The following CCNY variants were observed in gnomAD, a reference collection of about 807,000 sequenced individuals.
CCNY encodes the protein cyclin-Y.
CCNY carries 19 observed loss-of-function variants against 42.8 expected under a neutral mutation model. That is an observed-to-expected ratio of 0.44 (90% CI 0.31 to 0.65). The LOEUF (loss-of-function observed/expected upper bound fraction) is 0.65. CCNY is among the 30% of genes least tolerant of loss of function. The pLI is 0.07. For synonymous variants in CCNY, 165 were observed against 162.7 expected (o/e 1.01, Z -0.11); for missense variants, 370 against 437.3 (o/e 0.85, Z 1.37).
At chr10:35,404,477 T>C (rs1477998406) in intron 1 of CCNY, among the ~76,000 whole-genome samples, 1 of 152,100 alleles carries the variant, frequency 6.6e-6, no homozygotes, top group Non-Finnish European at 1.5e-5. Flanking sequence ...TTTGTGAGTT[T>C]ATATAATGGT....
At chr10:35,361,451 G>A (rs970909035) in intron 1 of CCNY, among the ~76,000 whole-genome samples, 1 of 152,044 alleles carries the variant, frequency 6.6e-6, no homozygotes, top group African/African-American at 2.4e-5. Context: ...TTAGATTTTG[G>A]TTCTTTAGGT....
At chr10:35,372,489 C>G (rs1836959370) in intron 1 of CCNY, among the ~76,000 whole-genome samples, 1 of 152,180 alleles carries the variant, frequency 6.6e-6, no homozygotes. Context: ...TCAGCCAGCT[C>G]TGGCCTTTCT....
intron 1 of CCNY, among the ~76,000 whole-genome samples, chr10:35,343,028 G>A (rs1332605774): frequency 1.4e-4 from 21 of 148,022 alleles, no homozygotes; most frequent in Non-Finnish European, 8.9e-5. Context: ...TTTAAGACAG[G>A]GTTTTACTCT....
intron 3 of CCNY, among the ~76,000 whole-genome samples, chr10:35,330,127 C>T (rs1835925227): frequency 1.3e-5 from 2 of 152,184 alleles, no homozygotes; most frequent in Non-Finnish European, 2.9e-5. Flanking sequence ...GTGAAAGTGC[C>T]TGGCTCGAGG....
At chr10:35,488,518 C>T (rs566330300) in intron 2 of CCNY, among the ~76,000 whole-genome samples, 1 of 152,242 alleles carries the variant, frequency 6.6e-6, no homozygotes, top group South Asian at 2.1e-4. Flanking sequence ...GCCCCTTTCT[C>T]CAGCTGCCCT....
At chr10:35,273,603 G>C (rs1835200131) in intron 3 of CCNY, among the ~76,000 whole-genome samples, 1 of 152,116 alleles carries the variant, frequency 6.6e-6, no homozygotes, top group Non-Finnish European at 1.5e-5. Context: ...TCTTGGGGAG[G>C]ATAGAGTCCC....
intron 1 of CCNY, among the ~76,000 whole-genome samples, chr10:35,465,905 AAGAGAGAGAGAGAG>A (rs56166429): frequency 0.014 from 1,359 of 99,240 alleles, 49 homozygotes; most frequent in African/African-American, 0.051. Context: ...GGGTAGGGGG[AAGAGAGAGAGAGAG>A]AGAGAGAGAG....
At chr10:35,372,872 G>T (rs867639942) in intron 1 of CCNY, among the ~76,000 whole-genome samples, 5 of 152,054 alleles carry the variant, frequency 3.3e-5, no homozygotes, top group African/African-American at 1.2e-4. Flanking sequence ...GCTAATTTTT[G>T]TATTTTTTAG....
At chr10:35,284,661 T>C (rs993792010) in intron 3 of CCNY, among the ~76,000 whole-genome samples, 1 of 152,108 alleles carries the variant, frequency 6.6e-6, no homozygotes, top group Non-Finnish European at 1.5e-5. Flanking sequence ...TGGTTAGGTT[T>C]CTTTTGCTAG....
At chr10:35,501,721 A>G in intron 3 of CCNY, 186 bp downstream of exon 3, 1 of 550,902 alleles carries the variant, frequency 1.8e-6, no homozygotes, top group Non-Finnish European at 3.3e-6. Flanking sequence ...CCACTGTCCC[A>G]AATATTTTTC....
intron 3 of CCNY, among the ~76,000 whole-genome samples, chr10:35,322,950 G>A (rs1422863174): frequency 2.0e-5 from 3 of 151,958 alleles, no homozygotes; most frequent in African/African-American, 7.2e-5. Flanking sequence ...TTTTTGAGAT[G>A]GAGTCTCGCT....
intron 3 of CCNY, among the ~76,000 whole-genome samples, chr10:35,251,960 C>T (rs1048884112): frequency 6.6e-6 from 1 of 152,072 alleles, no homozygotes; most frequent in Non-Finnish European, 1.5e-5. Flanking sequence ...AGGTGCTTTT[C>T]TATTTTCTGC....
chr10:35,377,823 A>G (rs1291293164), intron 1 of CCNY, among the ~76,000 whole-genome samples: 1 of 152,254 alleles, frequency 6.6e-6, no homozygotes, highest in Admixed American at 6.5e-5. Context: ...TAAGAAGAGT[A>G]GCATTACCTT....
chr10:35,480,417 G>A (rs552830007), intron 1 of CCNY, among the ~76,000 whole-genome samples: 22 of 152,206 alleles, frequency 1.4e-4, no homozygotes, highest in African/African-American at 4.8e-4. Context: ...GGAGAGGCAC[G>A]GGCTGCTGGT....
intron 2 of CCNY, among the ~76,000 whole-genome samples, chr10:35,484,267 A>G (rs1447272878): frequency 6.6e-6 from 1 of 152,258 alleles, no homozygotes; most frequent in East Asian, 1.9e-4. Flanking sequence ...GCTTTAATTC[A>G]GAGAAGATCC....
In CCNY at chr10:35,252,587, AAAAAAT is replaced by A. The variant is rs1276687172; in HGVS notation, c.-9+1962_-9+1967del. ...TCTCAAAAAAAAAAAAAAAAAAAAA[AAAAAAT>A]GAGAATATCCTTTGCACTTGCATTG... On this transcript the variant is annotated intron_variant, in intron 3 of 11. Transcript: ENST00000374706. Among the ~76,000 whole-genome samples the A allele has an allele frequency of 3.7e-4, 24 of 65,080 alleles. 2 individuals are homozygous for A. The highest frequency in any genetic ancestry group is 4.5e-4 in the South Asian group (1 of 2,208). The allele number at this position is 65,080 out of a possible 152,430, so 42.7% of individuals were successfully genotyped here.
At chr10:35,524,849 C>G (rs1334447487) in intron 4 of CCNY, among the ~76,000 whole-genome samples, 1 of 152,206 alleles carries the variant, frequency 6.6e-6, no homozygotes, top group Non-Finnish European at 1.5e-5. Context: ...GGGTCAGTGT[C>G]AGTGAGTGTG....
At chr10:35,520,329 T>G in intron 4 of CCNY, among the ~76,000 whole-genome samples, 1 of 152,108 alleles carries the variant, frequency 6.6e-6, no homozygotes, top group East Asian at 1.9e-4. Context: ...ATTCTAAAAT[T>G]TTGCCTACAT....
chr10:35,294,536 T>C (rs1835449045), intron 3 of CCNY, among the ~76,000 whole-genome samples: 1 of 152,254 alleles, frequency 6.6e-6, no homozygotes, highest in South Asian at 2.1e-4. Context: ...TTTTGTCCTT[T>C]ATTCTATTGG....
Sources: gnomAD v4.1 joint callset for allele counts (sites outside exome capture counted in the v4.1 genomes callset) on GRCh38, gnomAD v4.1.1 for gene constraint, MANE v1.5 for transcripts, NCBI Gene and HGNC (gene_info 2026-07-23, HGNC 2026-07-21) for gene names.